Variants in ANO2 observed in about 807,000 individuals in gnomAD.
ANO2 encodes anoctamin 2, also known as anoctamin-2.
Under a neutral mutation model 124.2 loss-of-function variants are expected in ANO2, and 101 were observed. The ratio of observed to expected loss-of-function variants is 0.81; its 90% CI spans 0.69 to 0.96. The LOEUF is 0.96. Ranked by LOEUF, ANO2 falls within the 40% of genes least tolerant of loss-of-function variation. The pLI is 0.00. For synonymous variants in ANO2, 486 were observed against 482.5 expected (o/e 1.01, Z -0.09); for missense variants, 1,293 against 1,274.5 (o/e 1.01, Z -0.22).
At chr12:5,879,893 G>A (rs1938364324) in intron 3 of ANO2, among the ~76,000 whole-genome samples, 1 of 152,182 alleles carries the variant, frequency 6.6e-6, no homozygotes, top group African/African-American at 2.4e-5. Flanking sequence ...TTTTAATGAG[G>A]AAATGGCTTA....
chr12:5,796,879 G>A (rs552396319), intron 10 of ANO2, among the ~76,000 whole-genome samples: 6 of 152,342 alleles, frequency 3.9e-5, no homozygotes, highest in South Asian at 4.1e-4. Context: ...TGCCCCATGA[G>A]CTCTCAATGG....
chr12:5,726,694 T>C (rs1565613529), intron 14 of ANO2, among the ~76,000 whole-genome samples: 3 of 152,242 alleles, frequency 2.0e-5, no homozygotes, highest in African/African-American at 7.2e-5. Context: ...AAATGTTACT[T>C]ATAATTTTAT....
Position 5,578,120 on chromosome 12 carries a change from C to A in ANO2, c.2387-113G>T, listed in dbSNP as rs1014179128. The A allele has an allele frequency of 3.7e-6, 5 of 1,351,436 alleles. No individual in the cohort carries two copies. The African/African-American group carries it at 7.3e-5, about 20-fold the overall frequency. 83.7% of individuals were successfully genotyped at this position (1,351,436 alleles called of 1,614,324 possible). ...TGAACTACGGAGCAGCTTTGCTGGGCCCCCCCAGAATGGGCTTGTCTGGAA... is the reference window on the plus strand; with the variant it reads ...TGAACTACGGAGCAGCTTTGCTGGGACCCCCCAGAATGGGCTTGTCTGGAA... On this transcript the variant is annotated intron_variant, in intron 21 of 24. Transcript: ENST00000682330.
At chr12:5,838,564 TTG>T (rs1156674489) in intron 4 of ANO2, among the ~76,000 whole-genome samples, 1 of 152,114 alleles carries the variant, frequency 6.6e-6, no homozygotes, top group Non-Finnish European at 1.5e-5. Flanking sequence ...CTCCGAGCTG[TTG>T]TGTGTGTTAC....
chr12:5,803,039 A>G (rs1953088648), intron 9 of ANO2, among the ~76,000 whole-genome samples: 1 of 152,232 alleles, frequency 6.6e-6, no homozygotes, highest in African/African-American at 2.4e-5. Flanking sequence ...ACCCTTTGCA[A>G]TGCCAGATAA....
intron 24 of ANO2, among the ~76,000 whole-genome samples, chr12:5,565,266 CTTAGGT>C (rs1034383788): frequency 3.5e-4 from 53 of 152,190 alleles, no homozygotes; most frequent in African/African-American, 1.2e-3. Context: ...CTTTCTTTGC[CTTAGGT>C]TTAAACAGGA....
chr12:5,672,359 C>T (rs1405473536), intron 14 of ANO2, among the ~76,000 whole-genome samples: 2 of 152,238 alleles, frequency 1.3e-5, no homozygotes, highest in East Asian at 1.9e-4. Context: ...CTCAGAGAGG[C>T]TGTTCATGTC....
intron 1 of ANO2, among the ~76,000 whole-genome samples, chr12:5,934,493 C>T (rs1942566688): frequency 1.3e-5 from 2 of 152,190 alleles, no homozygotes; most frequent in Non-Finnish European, 2.9e-5. Flanking sequence ...ATGAGAAATT[C>T]ATTTCAGGAA....
At chr12:5,593,280 G>A (rs1435650953) in intron 20 of ANO2, among the ~76,000 whole-genome samples, 1 of 152,192 alleles carries the variant, frequency 6.6e-6, no homozygotes, top group Non-Finnish European at 1.5e-5. Flanking sequence ...GGGGAAGGCT[G>A]TAAGGGAGAT....
At chr12:5,939,132 G>C (rs903438975) in intron 1 of ANO2, among the ~76,000 whole-genome samples, 1 of 136,440 alleles carries the variant, frequency 7.3e-6, no homozygotes, top group African/African-American at 2.8e-5. Flanking sequence ...CAGGAGAATC[G>C]TTTGAACCCG....
At chr12:5,897,289 C>T (rs1168455269) in intron 3 of ANO2, among the ~76,000 whole-genome samples, 1 of 151,976 alleles carries the variant, frequency 6.6e-6, no homozygotes, top group Non-Finnish European at 1.5e-5. Context: ...AAGGAATGTC[C>T]TACTGTGCTG....
At chr12:5,922,507 C>G (rs1403624347) in intron 2 of ANO2, 113 bp downstream of exon 2, 5 of 1,224,714 alleles carry the variant, frequency 4.1e-6, no homozygotes, top group Non-Finnish European at 5.5e-6. Flanking sequence ...CTAGGTCTCT[C>G]TCTTTCACGC....
intron 20 of ANO2, among the ~76,000 whole-genome samples, chr12:5,585,574 G>C (rs4930763): frequency 3.9e-5 from 6 of 152,180 alleles, no homozygotes; most frequent in Non-Finnish European, 7.3e-5. Context: ...ACTTCCTGGA[G>C]GACAGACTGG....
At chr12:5,817,382 T>C (rs980561872) in intron 7 of ANO2, among the ~76,000 whole-genome samples, 7 of 152,134 alleles carry the variant, frequency 4.6e-5, no homozygotes, top group Admixed American at 6.5e-5. Flanking sequence ...ATCCATTCAA[T>C]CAAATCAACT....
intron 3 of ANO2, among the ~76,000 whole-genome samples, chr12:5,861,045 CAG>C (rs1404815939): frequency 1.3e-5 from 2 of 152,160 alleles, no homozygotes; most frequent in Non-Finnish European, 2.9e-5. Context: ...CTTAGGGACA[CAG>C]AGGAATTTCA....
At chr12:5,661,058 A>G (rs1434934989) in intron 14 of ANO2, among the ~76,000 whole-genome samples, 1 of 152,322 alleles carries the variant, frequency 6.6e-6, no homozygotes, top group East Asian at 1.9e-4. Context: ...TCTCATATGC[A>G]TTGCAGCAAG....
At chr12:5,651,052 C>T (rs1946892980) in intron 14 of ANO2, among the ~76,000 whole-genome samples, 1 of 152,222 alleles carries the variant, frequency 6.6e-6, no homozygotes, top group African/African-American at 2.4e-5. Context: ...TATGAGAGAG[C>T]TTTGTAAACT....
chr12:5,927,279 A>T (rs762552845), intron 1 of ANO2, among the ~76,000 whole-genome samples: 3 of 152,198 alleles, frequency 2.0e-5, no homozygotes, highest in African/African-American at 7.2e-5. Flanking sequence ...GCTGTTTCAT[A>T]TCAGTGGCCT....
chr12:5,646,543 G>A (rs1157625218), intron 15 of ANO2, among the ~76,000 whole-genome samples: 3 of 152,014 alleles, frequency 2.0e-5, no homozygotes, highest in African/African-American at 7.3e-5. Flanking sequence ...ATGGTGTCAA[G>A]CACATCGTTT....
Sources: allele counts gnomAD v4.1 joint callset (sites outside exome capture counted in the v4.1 genomes callset), GRCh38; gene constraint gnomAD v4.1.1; transcripts MANE v1.5; gene names NCBI Gene and HGNC (gene_info 2026-07-23, HGNC 2026-07-21).